AKAIN1: variants seen among roughly 807,000 people sequenced by gnomAD.
The protein encoded by AKAIN1 is A-kinase anchor inhibitor 1.
Under a neutral mutation model 3.7 loss-of-function variants are expected in AKAIN1, and 3 were observed. The ratio of observed to expected loss-of-function variants is 0.82; its 90% CI spans 0.37 to 2.12. The LOEUF is 2.12. Ranked by LOEUF, AKAIN1 falls within the 30% of genes most tolerant of loss-of-function variation. The probability of loss-of-function intolerance (pLI) is 0.06; values close to 1 mark genes in which losing one functional copy is unlikely to be tolerated. For missense variants in AKAIN1, 82 were observed against 82.7 expected, an observed-to-expected ratio of 0.99 and a Z score of 0.03; for synonymous variants, 31 against 30.8, an observed-to-expected ratio of 1.01 and a Z score of -0.02.
rs188457887 is a variant in AKAIN1 at position 5,153,038 on chromosome 18, A to C, written c.17-7283T>G. 5.3e-5 allele frequency among the ~76,000 whole-genome samples: 8 copies of C among 152,288 alleles called. No homozygotes were observed. In the East Asian group the frequency reaches 1.5e-3, roughly 29 times the overall value. ...ATTTGGAGAAGGCCTTGAAACACAG[A>C]TGGACTTTGGAAAGGCCAAGGGGAA... On this transcript the variant is annotated intron_variant, in intron 1 of 1. Transcript: ENST00000434239.
chr18:5,166,822 T>C (rs1344513017), intron 1 of AKAIN1, among the ~76,000 whole-genome samples: 6 of 152,104 alleles, frequency 3.9e-5, no homozygotes, highest in African/African-American at 1.4e-4. Context: ...CAAAAACATG[T>C]GAGCATCTGT....
At chr18:5,167,722 T>C (rs1478941543) in intron 1 of AKAIN1, among the ~76,000 whole-genome samples, 1 of 152,084 alleles carries the variant, frequency 6.6e-6, no homozygotes, top group African/African-American at 2.4e-5. Context: ...TTCGCTAGTC[T>C]AGTCTAGTTG....
chr18:5,189,777 C>T (rs1482920964), intron 1 of AKAIN1, among the ~76,000 whole-genome samples: 1 of 151,808 alleles, frequency 6.6e-6, no homozygotes, highest in Admixed American at 6.6e-5. Context: ...TCTGAGCCCC[C>T]ACAAGAATCA....
intron 1 of AKAIN1, among the ~76,000 whole-genome samples, chr18:5,193,089 G>A (rs879847513): frequency 2.0e-5 from 3 of 152,028 alleles, no homozygotes; most frequent in Admixed American, 6.6e-5. Context: ...TTTGTTAAGA[G>A]GTTTATATAA....
rs1187032030 is a variant in AKAIN1, at chr18:5,143,859, A to G, written c.*1703T>C. ...GCTGGTCATATCCAGATATCTGAGT[A>G]GACATAGTACCAGATCACTTACAAA... On this transcript the variant is annotated 3_prime_UTR_variant, in exon 2 of 2. Coordinates refer to ENST00000434239, the MANE Select transcript of AKAIN1 (RefSeq NM_001145194.2). Among the ~76,000 whole-genome samples the G allele has an allele frequency of 6.6e-6, 1 of 152,232 alleles. No homozygotes were observed. Among genetic ancestry groups the G allele is most frequent in the East Asian group, 1.9e-4 (1 of 5,198 alleles).
chr18:5,192,853 A>G (rs1390910206), intron 1 of AKAIN1, among the ~76,000 whole-genome samples: 1 of 152,170 alleles, frequency 6.6e-6, no homozygotes, highest in East Asian at 1.9e-4. Context: ...ACTAAGTGCA[A>G]TGAAACTGTT....
At chr18:5,158,415 G>T (rs1017527797) in intron 1 of AKAIN1, among the ~76,000 whole-genome samples, 6 of 152,174 alleles carry the variant, frequency 3.9e-5, no homozygotes, top group African/African-American at 1.4e-4. Context: ...TATTAGAAAG[G>T]CTGCTCCAAT....
intron 1 of AKAIN1, among the ~76,000 whole-genome samples, chr18:5,160,281 C>T (rs1196939234): frequency 2.6e-5 from 4 of 152,170 alleles, no homozygotes. Flanking sequence ...AAAGTTTCAA[C>T]CTGGTAAGCA....
intron 1 of AKAIN1, among the ~76,000 whole-genome samples, chr18:5,160,694 A>T (rs1295877659): frequency 1.3e-5 from 2 of 152,078 alleles, no homozygotes; most frequent in African/African-American, 2.4e-5. Context: ...TTGATTTTAC[A>T]TTTGGTACTT....
chr18:5,148,182 T>C lies in AKAIN1; in HGVS notation c.17-2427A>G, dbSNP rs539736808. ...GACTAAGCTGTTGTAACTGAGAAACTCAAAAATAGGACAGCTCACACAAGA... is the reference window on the plus strand; with the variant it reads ...GACTAAGCTGTTGTAACTGAGAAACCCAAAAATAGGACAGCTCACACAAGA... On this transcript the variant is annotated intron_variant, in intron 1 of 1. Coordinates refer to ENST00000434239, the MANE Select transcript of AKAIN1 (RefSeq NM_001145194.2). 6.6e-5 allele frequency among the ~76,000 whole-genome samples: 10 copies of C among 152,242 alleles called. No individual in the cohort carries two copies. The East Asian group carries it at 1.9e-3, about 29-fold the overall frequency.
intron 1 of AKAIN1, 89 bp from the exon 2 acceptor site, chr18:5,145,844 A>C: frequency 8.9e-7 from 1 of 1,128,694 alleles, no homozygotes; most frequent in Non-Finnish European, 1.3e-6. Context: ...GATGGGAGGG[A>C]AGAGTGAGAC....
chr18:5,162,363 C>T (rs1274944954), intron 1 of AKAIN1, among the ~76,000 whole-genome samples: 3 of 151,978 alleles, frequency 2.0e-5, no homozygotes, highest in African/African-American at 4.8e-5. Context: ...TAGATAATAC[C>T]TGGAGTCATT....
At chr18:5,173,387 C>T (rs12327048) in intron 1 of AKAIN1, among the ~76,000 whole-genome samples, 4,244 of 152,220 alleles carry the variant, frequency 0.028, 108 homozygotes, top group East Asian at 0.11. Flanking sequence ...AGAAGAACAG[C>T]CATCAGTGAC....
At chr18:5,151,059 C>T (rs1383188583) in intron 1 of AKAIN1, among the ~76,000 whole-genome samples, 1 of 152,094 alleles carries the variant, frequency 6.6e-6, no homozygotes, top group Non-Finnish European at 1.5e-5. Flanking sequence ...TCTCATCTCT[C>T]CCCACTGACT....
chr18:5,179,980 G>A (rs1469784804), intron 1 of AKAIN1, among the ~76,000 whole-genome samples: 1 of 152,082 alleles, frequency 6.6e-6, no homozygotes, highest in Non-Finnish European at 1.5e-5. Context: ...GCTTGGCCCA[G>A]TGGTGCTAAG....
chr18:5,155,009 T>G (rs1247880039), intron 1 of AKAIN1, among the ~76,000 whole-genome samples: 3 of 152,044 alleles, frequency 2.0e-5, no homozygotes, highest in Non-Finnish European at 2.9e-5. Context: ...TGGTTTCTGT[T>G]TAACCCTTAG....
intron 1 of AKAIN1, among the ~76,000 whole-genome samples, chr18:5,147,694 C>T (rs142943683): frequency 1.2e-4 from 19 of 152,166 alleles, no homozygotes; most frequent in Non-Finnish European, 2.6e-4. Context: ...ATTTATTGAG[C>T]ATTTTTATCC....
chr18:5,159,164 T>A (rs1159988064), intron 1 of AKAIN1, among the ~76,000 whole-genome samples: 2 of 149,208 alleles, frequency 1.3e-5, no homozygotes, highest in East Asian at 3.9e-4. Context: ...CAAGATCAGA[T>A]GTTTTACGTC....
At chr18:5,156,670 A>G (rs2071110368) in intron 1 of AKAIN1, among the ~76,000 whole-genome samples, 1 of 152,236 alleles carries the variant, frequency 6.6e-6, no homozygotes, top group African/African-American at 2.4e-5. Flanking sequence ...CTCCATATTC[A>G]GCACATTTGA....
Sources: allele counts gnomAD v4.1 joint callset (sites outside exome capture counted in the v4.1 genomes callset), GRCh38; gene constraint gnomAD v4.1.1; transcripts MANE v1.5; gene names NCBI Gene and HGNC (gene_info 2026-07-23, HGNC 2026-07-21).